The following ZC3H3 variants were observed in gnomAD, a reference collection of about 807,000 sequenced individuals.
ZC3H3 encodes zinc finger CCCH-type containing 3, also known as zinc finger CCCH domain-containing protein 3.
A neutral mutation model predicts 77.3 loss-of-function variants in ZC3H3; 36 were observed. The observed-to-expected ratio is 0.47, with a 90% CI of 0.36 to 0.61. The LOEUF is 0.61. Among genes scored for constraint, ZC3H3 ranks in the 20% least tolerant of loss-of-function variants. The pLI, the probability that ZC3H3 is intolerant of heterozygous loss-of-function variation, is 0.00. For missense variants in ZC3H3, 1,331 were observed against 1,312.2 expected (o/e 1.01, Z -0.22); for synonymous variants, 626 against 555.2 (o/e 1.13, Z -1.79).
intron 5 of ZC3H3, 54 bp downstream of exon 5, chr8:143,475,344 C>A: frequency 1.3e-6 from 2 of 1,568,292 alleles, no homozygotes; most frequent in Non-Finnish European, 1.7e-6. Context: ...GCAATGCCCA[C>A]CACACGCTAG....
chr8:143,457,731 G>A (rs1346895962), intron 9 of ZC3H3, among the ~76,000 whole-genome samples: 1 of 152,068 alleles, frequency 6.6e-6, no homozygotes, highest in Non-Finnish European at 1.5e-5. Context: ...ATCAGGTATG[G>A]TGATATGCAC....
At chr8:143,478,809 C>A (rs1049060941) in intron 4 of ZC3H3, among the ~76,000 whole-genome samples, 1 of 152,376 alleles carries the variant, frequency 6.6e-6, no homozygotes, top group Admixed American at 6.5e-5. Context: ...TGCGCCCAGC[C>A]GCCCCTGCTC....
Position 143,442,652 on chromosome 8 carries a change from C to T in ZC3H3, c.2308-1532G>A, listed in dbSNP as rs547979869. Among the ~76,000 whole-genome samples, 35 of 152,278 alleles carry T rather than the reference C, an allele frequency of 2.3e-4. 1 individual carries two copies. Among genetic ancestry groups the T allele is most frequent in the Middle Eastern group, 3.4e-3 (1 of 294 alleles). On this transcript the variant is annotated intron_variant, in intron 9 of 11. Transcript: ENST00000262577. Reference sequence around the variant, plus strand: ...TGGGCAACACTGGATGCAGAGTGCCCGGCTGAGATGTCCAGAGGGCACCTG... The same window carrying T: ...TGGGCAACACTGGATGCAGAGTGCCTGGCTGAGATGTCCAGAGGGCACCTG...
intron 3 of ZC3H3, among the ~76,000 whole-genome samples, chr8:143,525,167 G>C (rs545000599): frequency 8.0e-6 from 1 of 124,536 alleles, no homozygotes; most frequent in African/African-American, 2.9e-5. Flanking sequence ...CACTTGCTTG[G>C]CTTCTCCTGG....
At chr8:143,439,124 C>T (rs1415899351) in intron 11 of ZC3H3, among the ~76,000 whole-genome samples, 2 of 149,918 alleles carry the variant, frequency 1.3e-5, no homozygotes, top group Admixed American at 1.3e-4. Context: ...AAAAAAAATA[C>T]AAGTCGCTGC....
chr8:143,448,529 T>C (rs1181760453), intron 9 of ZC3H3, among the ~76,000 whole-genome samples: 1 of 152,234 alleles, frequency 6.6e-6, no homozygotes. Flanking sequence ...CTCCTTTGAC[T>C]CTACATTTCA....
intron 3 of ZC3H3, among the ~76,000 whole-genome samples, chr8:143,512,093 G>T (rs1293075160): frequency 6.6e-6 from 1 of 152,244 alleles, no homozygotes; most frequent in Non-Finnish European, 1.5e-5. Context: ...GGCCAGGATG[G>T]GCCAGACCCA....
chr8:143,494,221 C>CCCAGG lies in ZC3H3; in HGVS notation c.1715+13524_1715+13525insCCTGG. On this transcript the variant is annotated intron_variant, in intron 4 of 11. Coordinates refer to ENST00000262577, the MANE Select transcript of ZC3H3 (RefSeq NM_015117.3). This position sits in a 1 kb window ranked among gnomAD's most constrained non-coding sequence, Gnocchi z 5.3. ...ACACAGAGGCCCAGAGCGCCCTGGA[C>CCCAGG]CCAGCTTCAACAGAGACTTCCTGCC... 6.6e-6 allele frequency among the ~76,000 whole-genome samples: 1 copy of CCCAGG among 152,306 alleles called. No individual in the cohort carries two copies. Among genetic ancestry groups the CCCAGG allele is most frequent in the Non-Finnish European group, 1.5e-5 (1 of 68,008 alleles).
At chr8:143,447,900 G>A (rs572023507) in intron 9 of ZC3H3, among the ~76,000 whole-genome samples, 9 of 152,258 alleles carry the variant, frequency 5.9e-5, no homozygotes, top group East Asian at 1.9e-4. Flanking sequence ...AGGCTGAGGC[G>A]GGTGGATTGC....
intron 4 of ZC3H3, among the ~76,000 whole-genome samples, chr8:143,479,824 G>T (rs752183331): frequency 6.6e-6 from 1 of 152,202 alleles, no homozygotes; most frequent in Non-Finnish European, 1.5e-5. Flanking sequence ...CCAGGAGGGG[G>T]AGATAACATT....
chr8:143,450,976 A>G (rs1287989055), intron 9 of ZC3H3, among the ~76,000 whole-genome samples: 1 of 152,178 alleles, frequency 6.6e-6, no homozygotes, highest in Non-Finnish European at 1.5e-5. Flanking sequence ...TAAAATAATA[A>G]CAAGTATATT....
chr8:143,473,987 C>CAGAG lies in ZC3H3; in HGVS notation c.1903+1407_1903+1410dup, dbSNP rs371982783. On this transcript the variant is annotated intron_variant, in intron 5 of 11. Transcript: ENST00000262577. Reference sequence around the variant, plus strand: ...CCACCAAGCTCCAGAGTCCGAGGATCAGAGGTAACCAGAGAAGGCCCTGCT... The same window carrying CAGAG: ...CCACCAAGCTCCAGAGTCCGAGGATCAGAGAGAGGTAACCAGAGAAGGCCCTGCT... Among the ~76,000 whole-genome samples the CAGAG allele has an allele frequency of 3.5e-3, 528 of 152,298 alleles. 2 individuals carry two copies. The highest frequency in any genetic ancestry group is 0.012 in the African/African-American group (485 of 41,550).
rs551776128 is a variant in ZC3H3 at position 143,534,279 on chromosome 8, T to TAAA, written c.1561+1975_1561+1977dup. 5.1e-3 allele frequency among the ~76,000 whole-genome samples: 624 copies of TAAA among 123,484 alleles called. 6 individuals are homozygous for TAAA. Among genetic ancestry groups the TAAA allele is most frequent in the African/African-American group, 0.015 (488 of 33,320 alleles). 81.0% of individuals were successfully genotyped at this position (123,484 alleles called of 152,430 possible). A position where few individuals can be genotyped will look rare whatever the true frequency, so the allele number is the denominator to read the frequency against. ...AGCAGGGCCCTGTTTCTAAAAACATTAAAAAAAAAAAAAAAAACGACGAGA... is the reference window on the plus strand; with the variant it reads ...AGCAGGGCCCTGTTTCTAAAAACATTAAAAAAAAAAAAAAAAAAAACGACGAGA... On this transcript the variant is annotated intron_variant, in intron 3 of 11. Coordinates refer to ENST00000262577, the MANE Select transcript of ZC3H3 (RefSeq NM_015117.3).
Position 143,460,165 on chromosome 8 carries a change from T to C in ZC3H3, c.2307+5552A>G, listed in dbSNP as rs1457737204. 6.6e-6 allele frequency among the ~76,000 whole-genome samples: 1 copy of C among 151,746 alleles called. No individual in the cohort carries two copies. Among genetic ancestry groups the C allele is most frequent in the African/African-American group, 2.4e-5 (1 of 41,262 alleles). On this transcript the variant is annotated intron_variant, in intron 9 of 11. Coordinates refer to ENST00000262577, the MANE Select transcript of ZC3H3 (RefSeq NM_015117.3). The surrounding 1 kb of genome is among the most constrained non-coding windows in gnomAD (Gnocchi z 4.0). ...TGGGAGGCTGAGGCAGGAGAATCAC[T>C]CGAACCCGGGAGGCGGAAGTTGCAG...
intron 3 of ZC3H3, among the ~76,000 whole-genome samples, chr8:143,517,521 C>T (rs943246433): frequency 6.6e-6 from 1 of 152,146 alleles, no homozygotes; most frequent in Non-Finnish European, 1.5e-5. Flanking sequence ...TGGGCCTGGC[C>T]AGGTGTGTGT....
intron 3 of ZC3H3, among the ~76,000 whole-genome samples, chr8:143,515,408 C>T (rs753406174): frequency 6.6e-6 from 1 of 152,268 alleles, no homozygotes; most frequent in African/African-American, 2.4e-5. Flanking sequence ...GCCAGTCATG[C>T]GTGACATCAG....
intron 4 of ZC3H3, among the ~76,000 whole-genome samples, chr8:143,505,610 G>C (rs541352939): frequency 6.6e-6 from 1 of 152,318 alleles, no homozygotes; most frequent in East Asian, 1.9e-4. Context: ...GTGTCCCGAA[G>C]GGTCCCAGAC....
intron 9 of ZC3H3, among the ~76,000 whole-genome samples, chr8:143,442,387 A>T (rs1020160224): frequency 7.5e-5 from 5 of 67,110 alleles, no homozygotes; most frequent in Non-Finnish European, 1.4e-4. Context: ...GCAGCAGAGC[A>T]GGCTTCAGGG....
chr8:143,466,507 G>A lies in ZC3H3; in HGVS notation c.2176-659C>T, dbSNP rs540563999. Among the ~76,000 whole-genome samples the A allele has an allele frequency of 2.7e-3, 414 of 152,344 alleles. 1 individual carries two copies. Among genetic ancestry groups the A allele is most frequent in the Non-Finnish European group, 4.8e-3 (327 of 68,012 alleles). On this transcript the variant is annotated intron_variant, in intron 8 of 11. Transcript: ENST00000262577. ...TTGTTATCACCACTGGGCTGGGAGA[G>A]GGAAAAAATGTAACTTTCCTCCCAT...
Sources: allele counts gnomAD v4.1 joint callset (sites outside exome capture counted in the v4.1 genomes callset), GRCh38; gene constraint gnomAD v4.1.1; non-coding constraint Gnocchi (gnomAD v3.1); transcripts MANE v1.5; gene names NCBI Gene and HGNC (gene_info 2026-07-23, HGNC 2026-07-21).